Variants in APC observed in about 807,000 individuals in gnomAD.
APC encodes adenomatous polyposis coli protein.
A neutral mutation model predicts 247.0 loss-of-function variants in APC; 72 were observed. The observed-to-expected ratio is 0.29, with a 90% CI of 0.24 to 0.35. The LOEUF is 0.35. APC is among the 10% of genes least tolerant of loss of function. APC has a pLI of 1.00. For missense variants in APC, 3,400 were observed against 3,360.7 expected (o/e 1.01, Z -0.29); for synonymous variants, 1,254 against 1,162.5 (o/e 1.08, Z -1.60).
At chr5:112,822,019 T>G in intron 11 of APC, 28 bp downstream of exon 11, 1 of 1,403,008 alleles carries the variant, frequency 7.1e-7, no homozygotes, top group Non-Finnish European at 1.0e-6. Flanking sequence ...TTTAATGACA[T>G]AGACAATTAC....
chr5:112,817,347 T>G (rs1762615406), intron 9 of APC, among the ~76,000 whole-genome samples: 1 of 152,222 alleles, frequency 6.6e-6, no homozygotes, highest in Non-Finnish European at 1.5e-5. Flanking sequence ...CTAATGTTGA[T>G]TTAAGTAATG....
chr5:112,732,342 C>A (rs1268631006), intron 1 of APC, among the ~76,000 whole-genome samples: 1 of 152,146 alleles, frequency 6.6e-6, no homozygotes, highest in South Asian at 2.1e-4. Context: ...CCCACAGATT[C>A]TTTCTTGGTG....
At position 112,713,804 on chromosome 5, in the gene APC, C is replaced by A. The variant is rs1468240975; in HGVS notation, c.165+5922C>A. On this transcript the variant is annotated intron_variant, in intron 1 of 13. Transcript: ENST00000507379. ...GCCTCAGCCTCCCAAGTAGCTGGCG[C>A]CTGCCACCACACCCAGCTAATTTTT... Among the ~76,000 whole-genome samples, 34 of 152,186 alleles carry A rather than the reference C, an allele frequency of 2.2e-4. No homozygotes were observed. In the South Asian group the frequency reaches 6.6e-3, roughly 30 times the overall value.
chr5:112,767,502 C>T lies in APC; in HGVS notation c.422+112C>T, dbSNP rs893481791. On this transcript the variant is annotated intron_variant, in intron 4 of 15. Transcript: ENST00000257430. ...AGTAGGTGATAGCTAACACTTAGAG[C>T]ATTTTGCATTTTTAAACTCAAAGAT... 5 of 840,650 alleles carry T rather than the reference C, an allele frequency of 5.9e-6. No homozygotes were observed. In the African/African-American group the frequency reaches 8.6e-5, roughly 14 times the overall value. The allele number at this position is 840,650 out of a possible 1,614,324, so 52.1% of individuals were successfully genotyped here.
intron 8 of APC, among the ~76,000 whole-genome samples, chr5:112,808,822 T>G (rs552322897): frequency 6.6e-6 from 1 of 152,320 alleles, no homozygotes; most frequent in South Asian, 2.1e-4. Flanking sequence ...TTGGTAGATT[T>G]CAGTATCTGA....
At chr5:112,763,460 GTTTA>G (rs1276413305) in intron 2 of APC, among the ~76,000 whole-genome samples, 9 of 151,396 alleles carry the variant, frequency 5.9e-5, no homozygotes, top group Admixed American at 3.9e-4. Flanking sequence ...AAATGCTATG[GTTTA>G]TTTAATACTT....
chr5:112,777,742 A>G (rs1365431881), intron 5 of APC: 12 of 240,722 alleles, frequency 5.0e-5, no homozygotes. Flanking sequence ...GCCAGCAGCA[A>G]CTCTGCCTAA....
chr5:112,838,348 G>A lies in APC; in HGVS notation c.2754G>A (p.Glu918=), dbSNP rs767066195. 3.1e-6 allele frequency: 5 copies of A among 1,614,096 alleles called. No homozygotes were observed. The African/African-American group carries it at 6.7e-5, about 22-fold the overall frequency. The change falls in exon 16 of 16, where the codon GAG becomes GAA. Residue 918 remains glutamate, a synonymous_variant. Coordinates refer to ENST00000257430, the MANE Select transcript of APC (RefSeq NM_000038.6). ...CTGAATTACATTGTGTGACAGATGAGAGAAATGCACTTAGAAGAAGCTCTG... is the reference window on the plus strand; with the variant it reads ...CTGAATTACATTGTGTGACAGATGAAAGAAATGCACTTAGAAGAAGCTCTG... ...STTELHCVTD[E]RNALRRSSAA... is the part of the protein sequence containing the mutation.
intron 11 of APC, among the ~76,000 whole-genome samples, chr5:112,826,599 A>C (rs1425977060): frequency 7.8e-6 from 1 of 128,672 alleles, no homozygotes; most frequent in Non-Finnish European, 1.7e-5. Flanking sequence ...AAAAAAAAAA[A>C]AACAAAACTT....
intron 9 of APC, among the ~76,000 whole-genome samples, chr5:112,816,592 G>A (rs1387789445): frequency 1.3e-5 from 2 of 151,980 alleles, no homozygotes; most frequent in African/African-American, 2.4e-5. Flanking sequence ...CCAGGAGTTC[G>A]AAACCAGCCT....
Position 112,742,261 on chromosome 5 carries a change from A to G in APC, c.-19+4336A>G, listed in dbSNP as rs188257263. ...TGCTCTATAGTATTCTATAGTACCT[A>G]TCACTGTTCCTCCAGTGAAGGCCGT... On this transcript the variant is annotated intron_variant, in intron 1 of 15. Transcript: ENST00000257430. 7.2e-5 allele frequency among the ~76,000 whole-genome samples: 11 copies of G among 152,278 alleles called. No homozygotes were observed. In the East Asian group the frequency reaches 1.7e-3, roughly 24 times the overall value.
intron 7 of APC, among the ~76,000 whole-genome samples, chr5:112,799,224 A>G (rs545270776): frequency 1.3e-5 from 2 of 151,434 alleles, no homozygotes; most frequent in African/African-American, 4.9e-5. Context: ...ATATTACTCA[A>G]CATATTCAAA....
chr5:112,796,758 AT>A (rs1206164348), intron 7 of APC, among the ~76,000 whole-genome samples: 2 of 151,954 alleles, frequency 1.3e-5, no homozygotes, highest in African/African-American at 4.8e-5. Context: ...GTTTTGGTCT[AT>A]TTTTTAAATT....
intron 5 of APC, among the ~76,000 whole-genome samples, chr5:112,776,185 T>C (rs1219400414): frequency 6.6e-6 from 1 of 152,196 alleles, no homozygotes; most frequent in Non-Finnish European, 1.5e-5. Flanking sequence ...GCACGGATAT[T>C]AGCATTTTTG....
chr5:112,708,145 G>T (rs1750636552), intron 1 of APC, among the ~76,000 whole-genome samples: 2 of 152,214 alleles, frequency 1.3e-5, no homozygotes, highest in Admixed American at 6.5e-5. Flanking sequence ...CTTCGCCCCT[G>T]CAAGTGGTGC....
In APC at chr5:112,821,886, T is replaced by G. The variant is rs373744889; in HGVS notation, c.1313-10T>G. The G allele has an allele frequency of 6.2e-7, 1 of 1,606,440 alleles. No individual in the cohort carries two copies. Among genetic ancestry groups the G allele is most frequent in the South Asian group, 1.1e-5 (1 of 90,966 alleles). The stretch of plus-strand genomic sequence containing the variant: ...AAAGCATTATGGTTTATGTTGATTT[T>G]ATTTTTCAGTGCCAGCTCCTGTTGA... On this transcript the variant is annotated splice_polypyrimidine_tract_variant and intron_variant, in intron 10 of 15. Transcript: ENST00000257430.
At chr5:112,801,818 A>G (rs917779779) in intron 8 of APC, among the ~76,000 whole-genome samples, 2 of 152,146 alleles carry the variant, frequency 1.3e-5, no homozygotes, top group Non-Finnish European at 1.5e-5. Context: ...ATATAAATCT[A>G]GAAATCCAAG....
rs776160547 is a variant in APC, at chr5:112,841,756, A to C, written c.6162A>C (p.Ser2054=). The change falls in exon 16 of 16, where the codon TCA becomes TCC. Residue 2054 remains serine, a synonymous_variant. Transcript: ENST00000257430. The surrounding 1 kb of genome is among the most constrained non-coding windows in gnomAD (Gnocchi z 4.6). The part of the protein sequence containing the change: ...SSAMPKKKKP[S]RLKGDNEKHS... ...CAATGCCAAAAAAGAAAAAGCCTTCAAGACTCAAGGGTGATAATGAAAAAC... is the reference window on the plus strand; with the variant it reads ...CAATGCCAAAAAAGAAAAAGCCTTCCAGACTCAAGGGTGATAATGAAAAAC... 1.9e-6 allele frequency: 3 copies of C among 1,614,072 alleles called. No homozygotes were observed. The highest frequency in any genetic ancestry group is 2.2e-5 in the South Asian group (2 of 91,092).
intron 1 of APC, among the ~76,000 whole-genome samples, chr5:112,753,496 G>A (rs1366572886): frequency 6.6e-6 from 1 of 152,116 alleles, no homozygotes; most frequent in Non-Finnish European, 1.5e-5. Flanking sequence ...TACAAATTGT[G>A]AAATGAATTA....
Sources: gnomAD v4.1 joint callset for allele counts (sites outside exome capture counted in the v4.1 genomes callset) on GRCh38, gnomAD v4.1.1 for gene constraint, Gnocchi (gnomAD v3.1) non-coding constraint, MANE v1.5 for transcripts, NCBI Gene and HGNC (gene_info 2026-07-23, HGNC 2026-07-21) for gene names.